UGT2A3: variants seen among roughly 807,000 people sequenced by gnomAD.
UGT2A3 encodes the protein UDP-glucuronosyltransferase 2A3.
A neutral mutation model predicts 44.1 loss-of-function variants in UGT2A3; 55 were observed. The observed-to-expected ratio is 1.25, with a 90% confidence interval of 1.00 to 1.56. The LOEUF is 1.56. Among genes scored for constraint, UGT2A3 ranks in the 40% most tolerant of loss-of-function variants. The probability of loss-of-function intolerance (pLI) is 0.00; values close to 1 mark genes in which losing one functional copy is unlikely to be tolerated. For missense variants in UGT2A3, 733 were observed against 621.6 expected (o/e 1.18, Z -1.91); for synonymous variants, 243 against 215.1 (o/e 1.13, Z -1.13).
At position 68,930,750 on chromosome 4, in the gene UGT2A3, T is replaced by G. The variant is rs150001469; in HGVS notation, c.1100A>C (p.Lys367Thr). ...CATTCCACCATGAGTGATAAAAGCT[T>G]TGGTTTTGGGATGACCTAGTATGTA... ...QNDLLGHPKT[K>T]AFITHGGMNG... Residue 367 changes from lysine to threonine, a missense_variant, in exon 5 of 6, where the codon AAA becomes ACA. Lys to Thr is a moderately conservative substitution (Grantham distance 78). Coordinates refer to ENST00000251566, the MANE Select transcript of UGT2A3 (RefSeq NM_024743.4). 1.3e-5 allele frequency: 20 copies of G among 1,598,748 alleles called. No individual in the cohort carries two copies. The highest frequency in any genetic ancestry group is 1.7e-5 in the Non-Finnish European group (20 of 1,174,676).
intron 3 of UGT2A3, among the ~76,000 whole-genome samples, chr4:68,931,995 T>C (rs1285049410): frequency 6.6e-6 from 1 of 151,974 alleles, no homozygotes; most frequent in Non-Finnish European, 1.5e-5. Context: ...TAGCTAAATA[T>C]AAAATGAAAT....
At chr4:68,931,607 A>G (rs953767740) in intron 3 of UGT2A3, among the ~76,000 whole-genome samples, 4 of 152,070 alleles carry the variant, frequency 2.6e-5, no homozygotes, top group African/African-American at 9.6e-5. Flanking sequence ...TCATGGAGCC[A>G]ATCTCATTCT....
chr4:68,933,097 G>A (rs1251382860), intron 2 of UGT2A3, among the ~76,000 whole-genome samples: 1 of 151,976 alleles, frequency 6.6e-6, no homozygotes, highest in Non-Finnish European at 1.5e-5. Flanking sequence ...ATTATTATTT[G>A]AGGACTGACA....
intron 2 of UGT2A3, among the ~76,000 whole-genome samples, chr4:68,936,216 C>T (rs113489333): frequency 6.6e-6 from 1 of 152,102 alleles, no homozygotes; most frequent in African/African-American, 2.4e-5. Context: ...CAGAGAACAC[C>T]ACAAAGATAT....
chr4:68,949,280 C>T (rs1296055579), intron 1 of UGT2A3, among the ~76,000 whole-genome samples: 3 of 151,762 alleles, frequency 2.0e-5, no homozygotes, highest in African/African-American at 7.3e-5. Context: ...AGACCTGCTA[C>T]TTTTCTTTTC....
At chr4:68,932,820 T>C in intron 2 of UGT2A3, 61 bp from the exon 3 acceptor site, 1 of 1,476,430 alleles carries the variant, frequency 6.8e-7, no homozygotes, top group Non-Finnish European at 9.2e-7. Context: ...AAAATAAAGG[T>C]TACTTACACT....
chr4:68,933,189 C>A (rs1717804670), intron 2 of UGT2A3, among the ~76,000 whole-genome samples: 1 of 151,982 alleles, frequency 6.6e-6, no homozygotes, highest in Admixed American at 6.6e-5. Flanking sequence ...TATAAAAATA[C>A]CACTCTGAAA....
At chr4:68,945,516 A>AT in intron 1 of UGT2A3, 62 bp from the exon 2 acceptor site, 5 of 1,426,906 alleles carry the variant, frequency 3.5e-6, no homozygotes, top group Non-Finnish European at 4.7e-6. Flanking sequence ...TGTATCACTA[A>AT]TTTTTCAGTA....
In UGT2A3 at chr4:68,951,268, G is replaced by A. The variant is rs181458330; in HGVS notation, c.493C>T (p.Pro165Ser). The A allele has an allele frequency of 1.2e-5, 20 of 1,611,622 alleles. No individual in the cohort carries two copies. The highest frequency in any genetic ancestry group is 1.7e-5 in the Non-Finnish European group (20 of 1,178,920). ...GAAATTCTAAGTGTGAGCACAAAAG[G>A]GACTGCAAGCAACTCAGCCATCAGG... ...GDLMAELLAV[P>S]FVLTLRISVG... is the part of the protein sequence containing the mutation. Residue 165 changes from proline to serine, a missense_variant, in exon 1 of 6, where the codon CCT becomes TCT. By Grantham distance (74) the Pro-to-Ser change is moderately conservative. Coordinates refer to ENST00000251566, the MANE Select transcript of UGT2A3 (RefSeq NM_024743.4).
rs138523993 is a variant in UGT2A3 at position 68,951,117 on chromosome 4, GA to G, written c.643del (p.Ser215GlnfsTer24). On this transcript the variant is annotated frameshift_variant, in exon 1 of 6. Transcript: ENST00000251566. LOFTEE classifies it high-confidence loss of function. Reference sequence around the variant, plus strand: ...CTGAATCCAGAAGTGGAACAAAACTGAAAGCATTGAATTTTTTACTCTTTCC... The same window carrying G: ...CTGAATCCAGAAGTGGAACAAAACTGAAGCATTGAATTTTTTACTCTTTCC... Reference protein sequence around the residue: ...FLERVKNSMLSVLFHFWIQDY... With the variant: ...FLERVKNSMLXVLFHFWIQDY... 6.2e-7 allele frequency: 1 copy of G among 1,611,428 alleles called. No individual in the cohort carries two copies. The highest frequency in any genetic ancestry group is 1.7e-4 in the Middle Eastern group (1 of 6,040).
At chr4:68,935,453 C>A (rs916631960) in intron 2 of UGT2A3, among the ~76,000 whole-genome samples, 2 of 151,316 alleles carry the variant, frequency 1.3e-5, no homozygotes, top group African/African-American at 4.9e-5. Context: ...CTCCAACAGA[C>A]CTGAAGCTGA....
chr4:68,932,151 AC>A (rs1717760688), intron 3 of UGT2A3, among the ~76,000 whole-genome samples: 1 of 151,960 alleles, frequency 6.6e-6, no homozygotes, highest in Non-Finnish European at 1.5e-5. Context: ...TTGACATTTT[AC>A]TTTTGAAACT....
intron 2 of UGT2A3, among the ~76,000 whole-genome samples, chr4:68,935,852 G>T (rs1717932438): frequency 6.6e-6 from 1 of 152,060 alleles, no homozygotes; most frequent in Non-Finnish European, 1.5e-5. Context: ...AATAAACAGT[G>T]TAGAGAAGAC....
chr4:68,951,252 A>T lies in UGT2A3; in HGVS notation c.509T>A (p.Leu170His). ...ELLAVPFVLT[L>H]RISVGGNMER... ...CATATTGCCTCCTACAGAAATTCTAAGTGTGAGCACAAAAGGGACTGCAAG... is the reference window on the plus strand; with the variant it reads ...CATATTGCCTCCTACAGAAATTCTATGTGTGAGCACAAAAGGGACTGCAAG... Residue 170 changes from leucine to histidine, a missense_variant, in exon 1 of 6, where the codon CTT becomes CAT. Physicochemically the swap from Leu to His is moderately conservative, Grantham distance 99. Coordinates refer to ENST00000251566, the MANE Select transcript of UGT2A3 (RefSeq NM_024743.4). The T allele has an allele frequency of 6.2e-7, 1 of 1,611,704 alleles. No individual in the cohort carries two copies. The highest frequency in any genetic ancestry group is 1.1e-5 in the South Asian group (1 of 90,864).
rs913515912 is a variant in UGT2A3 at position 68,945,447 on chromosome 4, G to A, written c.723C>T (p.Pro241=). 2.5e-6 allele frequency: 4 copies of A among 1,600,404 alleles called. No homozygotes were observed. Among genetic ancestry groups the A allele is most frequent in the Non-Finnish European group, 3.4e-6 (4 of 1,173,038 alleles). Residue 241 remains proline, a synonymous_variant, in exon 2 of 6, where the codon CCC becomes CCT. Coordinates refer to ENST00000251566, the MANE Select transcript of UGT2A3 (RefSeq NM_024743.4). ...EEFYSKALGR[P]TTLCETVGKA... ...TTCCCACAGTCTCACATAATGTAGT[G>A]GGCCTTCCTCAATAAAAGAAATAAC...
intron 2 of UGT2A3, among the ~76,000 whole-genome samples, chr4:68,940,786 A>G (rs932199150): frequency 7.0e-5 from 10 of 142,900 alleles, no homozygotes; most frequent in Non-Finnish European, 1.5e-4. Flanking sequence ...TATATAATAT[A>G]TATATACACA....
In UGT2A3 at chr4:68,932,578, C is replaced by T. The variant is rs763252028; in HGVS notation, c.996+50G>A. The T allele has an allele frequency of 5.8e-6, 9 of 1,557,334 alleles. No individual in the cohort carries two copies. The South Asian group carries it at 9.7e-5, about 17-fold the overall frequency. On this transcript the variant is annotated intron_variant, in intron 3 of 5. Transcript: ENST00000251566. Reference sequence around the variant, plus strand: ...GATTCAAGACCCAAATAAAACCATACTGTTTCATTATGTGAATAGCTGCTT... The same window carrying T: ...GATTCAAGACCCAAATAAAACCATATTGTTTCATTATGTGAATAGCTGCTT...
chr4:68,935,197 A>G (rs1254615331), intron 2 of UGT2A3, among the ~76,000 whole-genome samples: 1 of 148,260 alleles, frequency 6.7e-6, no homozygotes, highest in African/African-American at 2.5e-5. Context: ...AAAAGGCAAA[A>G]ACACTTCAGT....
intron 1 of UGT2A3, among the ~76,000 whole-genome samples, chr4:68,946,052 T>C (rs1718373977): frequency 6.6e-6 from 1 of 151,634 alleles, no homozygotes; most frequent in African/African-American, 2.4e-5. Context: ...TTCTTACCCA[T>C]GACAATATTC....
Sources: gnomAD v4.1 joint callset for allele counts (sites outside exome capture counted in the v4.1 genomes callset) on GRCh38, gnomAD v4.1.1 for gene constraint, MANE v1.5 for transcripts, NCBI Gene and HGNC (gene_info 2026-07-23, HGNC 2026-07-21) for gene names.